BAG4: variants seen among roughly 807,000 people sequenced by gnomAD.
BAG4 encodes BAG family molecular chaperone regulator 4.
BAG4 carries 28 observed loss-of-function variants against 52.1 expected under a neutral mutation model. The observed-to-expected ratio is 0.54, with a 90% CI of 0.40 to 0.74. BAG4 has a LOEUF of 0.74. Ranked by LOEUF, BAG4 falls within the 30% of genes least tolerant of loss-of-function variation. BAG4 has a pLI of 0.00. For missense variants in BAG4, 525 were observed against 572.0 expected (o/e 0.92, Z 0.84); for synonymous variants, 208 against 217.0 (o/e 0.96, Z 0.37).
rs546609713 is a variant in BAG4, at chr8:38,211,534, T to C, written c.*1041T>C. The stretch of plus-strand genomic sequence containing the variant: ...GATTACTTGGTAATATCATTCTCCA[T>C]CTAAAATACTAGTTTCACCTGTGAG... On this transcript the variant is annotated 3_prime_UTR_variant, in exon 5 of 5. Coordinates refer to ENST00000287322, the MANE Select transcript of BAG4 (RefSeq NM_004874.4). 6.6e-6 allele frequency: 1 copy of C among 152,202 alleles called. No individual in the cohort carries two copies. The highest frequency in any genetic ancestry group is 6.5e-5 in the Admixed American group (1 of 15,296). 9.4% of individuals were successfully genotyped at this position (152,202 alleles called of 1,614,324 possible).
intron 3 of BAG4, among the ~76,000 whole-genome samples, chr8:38,208,307 CTT>C (rs769667054): frequency 5.6e-5 from 6 of 107,404 alleles, no homozygotes; most frequent in Admixed American, 2.0e-4. Flanking sequence ...CTGTTAGGTT[CTT>C]TTTTTTTTTT....
At chr8:38,193,970 C>G (rs965167526) in intron 2 of BAG4, among the ~76,000 whole-genome samples, 39 of 152,134 alleles carry the variant, frequency 2.6e-4, no homozygotes, top group Non-Finnish European at 5.9e-5. Context: ...ATCTCTTGAC[C>G]TGGTGATCTG....
chr8:38,193,911 G>A (rs1387467343), intron 2 of BAG4, among the ~76,000 whole-genome samples: 1 of 152,080 alleles, frequency 6.6e-6, no homozygotes, highest in Non-Finnish European at 1.5e-5. Context: ...GCTAATTTTT[G>A]TATTTTTAGT....
chr8:38,208,981 AATGACTGGTAT>A lies in BAG4; in HGVS notation c.634-29_634-19del, dbSNP rs774703771. The A allele has an allele frequency of 7.6e-6, 12 of 1,585,794 alleles. No homozygotes were observed. The Middle Eastern group carries it at 6.7e-4, about 89-fold the overall frequency. Reference sequence around the variant, plus strand: ...AATATTTTTATTATAAGTTTTTCACAATGACTGGTATATTTCTTCTTCTCAATCTAGAACCC... The same window carrying A: ...AATATTTTTATTATAAGTTTTTCACAATTTCTTCTTCTCAATCTAGAACCC... On this transcript the variant is annotated intron_variant, in intron 3 of 4. Transcript: ENST00000287322.
At position 38,201,851 on chromosome 8, in the gene BAG4, TATATATATATATATATATATATATATATA is replaced by T. The variant is rs1563283970; in HGVS notation, c.379-5660_379-5632del. On this transcript the variant is annotated intron_variant, in intron 2 of 4. Coordinates refer to ENST00000287322, the MANE Select transcript of BAG4 (RefSeq NM_004874.4). ...TGTGGAATTTATATATATATATATATATATATATATATATATATATATATATATATTTTTTTTTTTTTTTTTTTTTTTTT... is the reference window on the plus strand; with the variant it reads ...TGTGGAATTTATATATATATATATATTTTTTTTTTTTTTTTTTTTTTTTTT... 26 of 5,852 alleles carry T rather than the reference TATATATATATATATATATATATATATATA, an allele frequency of 4.4e-3. 1 individual carries two copies. Among genetic ancestry groups the T allele is most frequent in the Non-Finnish European group, 0.012 (17 of 1,466 alleles). 0.4% of individuals were successfully genotyped at this position (5,852 alleles called of 1,614,324 possible).
At chr8:38,187,866 C>CAA (rs35690753) in intron 1 of BAG4, among the ~76,000 whole-genome samples, 698 of 56,052 alleles carry the variant, frequency 0.012, 5 homozygotes, top group Non-Finnish European at 0.018. Context: ...ACTAAAAATA[C>CAA]AAAAAAAAAA....
In BAG4 at chr8:38,179,255, G is replaced by T. The variant is rs532225283; in HGVS notation, c.270+2116G>T. On this transcript the variant is annotated intron_variant, in intron 1 of 4. Coordinates refer to ENST00000287322, the MANE Select transcript of BAG4 (RefSeq NM_004874.4). ...GCTCACTGCAACCTCTGCCTCCCGG[G>T]GTCAAAGTCTCCTGCTTCAGCCTTC... Among the ~76,000 whole-genome samples, 4 of 152,084 alleles carry T rather than the reference G, an allele frequency of 2.6e-5. No individual in the cohort carries two copies. The East Asian group carries it at 7.8e-4, about 30-fold the overall frequency.
intron 1 of BAG4, 141 bp from the exon 2 acceptor site, chr8:38,192,544 CAAG>C: frequency 3.4e-6 from 2 of 588,918 alleles, no homozygotes; most frequent in Non-Finnish European, 5.6e-6. Context: ...AGTAGTGGGA[CAAG>C]AAGCGTGTGC....
intron 1 of BAG4, among the ~76,000 whole-genome samples, chr8:38,186,825 T>G (rs1803372717): frequency 6.6e-6 from 1 of 152,246 alleles, no homozygotes; most frequent in Admixed American, 6.5e-5. Context: ...ATCTTTGTCA[T>G]CCAGGATGAC....
intron 2 of BAG4, chr8:38,201,848 ATATATAT>A (rs2130684865): frequency 1.9e-4 from 1 of 5,302 alleles, no homozygotes. Context: ...ATATATATAT[ATATATAT>A]ATATATATAT....
At chr8:38,183,237 T>C (rs993101389) in intron 1 of BAG4, among the ~76,000 whole-genome samples, 4 of 151,730 alleles carry the variant, frequency 2.6e-5, no homozygotes, top group African/African-American at 9.7e-5. Flanking sequence ...TTAGTAGAGA[T>C]GGGGTTTCAC....
At chr8:38,192,379 A>G (rs1585657095) in intron 1 of BAG4, among the ~76,000 whole-genome samples, 2 of 152,264 alleles carry the variant, frequency 1.3e-5, no homozygotes, top group East Asian at 3.9e-4. Flanking sequence ...GTCATAGAGC[A>G]TTTGATTTAC....
At chr8:38,192,579 T>G in intron 1 of BAG4, 109 bp from the exon 2 acceptor site, 3 of 860,850 alleles carry the variant, frequency 3.5e-6, no homozygotes, top group East Asian at 2.8e-5. Context: ...GCTTATTGCT[T>G]TTTGTCTATT....
chr8:38,194,336 T>G (rs1391118618), intron 2 of BAG4, among the ~76,000 whole-genome samples: 1 of 151,946 alleles, frequency 6.6e-6, no homozygotes, highest in Non-Finnish European at 1.5e-5. Flanking sequence ...CATCGTTGGT[T>G]TTCATCTTTC....
At chr8:38,188,850 G>A (rs1803418863) in intron 1 of BAG4, among the ~76,000 whole-genome samples, 1 of 151,992 alleles carries the variant, frequency 6.6e-6, no homozygotes, top group African/African-American at 2.4e-5. Flanking sequence ...CTGGAGTGCA[G>A]TGGCACGATC....
intron 2 of BAG4, chr8:38,201,862 ATATATATATATATATATATTTTTTTTTTT>A (rs1205242853): frequency 0.02 from 125 of 6,248 alleles, 6 homozygotes; most frequent in African/African-American, 0.033. Context: ...ATATATATAT[ATATATATATATATATATATTTTTTTTTTT>A]TTTTTTTTTT....
chr8:38,208,307 C>CTTTTTT (rs769667054), intron 3 of BAG4, among the ~76,000 whole-genome samples: 1 of 107,420 alleles, frequency 9.3e-6, no homozygotes, highest in Non-Finnish European at 1.9e-5. Context: ...CTGTTAGGTT[C>CTTTTTT]TTTTTTTTTT....
intron 2 of BAG4, among the ~76,000 whole-genome samples, chr8:38,194,409 C>CTTTT (rs750931003): frequency 7.6e-5 from 6 of 78,614 alleles, no homozygotes; most frequent in African/African-American, 1.1e-4. Context: ...TAGGTGTGTA[C>CTTTT]TTTTTTTTTT....
At chr8:38,192,925 T>G in intron 2 of BAG4, 130 bp downstream of exon 2, 1 of 596,430 alleles carries the variant, frequency 1.7e-6, no homozygotes, top group South Asian at 2.5e-5. Context: ...TCCATCAATC[T>G]CATCTTAATG....
Sources: allele counts gnomAD v4.1 joint callset (sites outside exome capture counted in the v4.1 genomes callset), GRCh38; gene constraint gnomAD v4.1.1; transcripts MANE v1.5; gene names NCBI Gene and HGNC (gene_info 2026-07-23, HGNC 2026-07-21).